The following KLRG1 variants were observed in gnomAD, a reference collection of about 807,000 sequenced individuals.
The protein encoded by KLRG1 is killer cell lectin like receptor G1.
In KLRG1, 16 loss-of-function variants were observed where a neutral mutation model predicts 21.8. That is an observed-to-expected ratio of 0.73 (90% confidence interval 0.50 to 1.11). KLRG1 has a LOEUF of 1.11. Among genes scored for constraint, KLRG1 ranks in the 50% most tolerant of loss-of-function variants. The probability of loss-of-function intolerance (pLI) is 0.00; values close to 1 mark genes in which losing one functional copy is unlikely to be tolerated. For missense variants in KLRG1, 173 were observed against 218.3 expected (o/e 0.79, Z 1.31); for synonymous variants, 69 against 75.9 (o/e 0.91, Z 0.47).
the KLRG1 span, among the ~76,000 whole-genome samples, chr12:9,022,585 C>T: frequency 4.6e-5 from 7 of 151,976 alleles, no homozygotes; most frequent in African/African-American, 1.2e-4. Flanking sequence ...GTTTTAGGAT[C>T]GGGGGTGGTC....
chr12:9,074,951 C>G, the KLRG1 span, among the ~76,000 whole-genome samples: 1 of 152,172 alleles, frequency 6.6e-6, no homozygotes, highest in Non-Finnish European at 1.5e-5. Context: ...TGTGTTTTAG[C>G]CCAGCTAAGG....
the KLRG1 span, among the ~76,000 whole-genome samples, chr12:9,051,229 C>T: frequency 1.3e-5 from 2 of 152,212 alleles, no homozygotes; most frequent in Non-Finnish European, 2.9e-5. Context: ...AAAGGAACCA[C>T]CCTCTCTGCT....
the KLRG1 span, chr12:9,095,621 T>C: frequency 1.9e-6 from 3 of 1,611,786 alleles, no homozygotes; most frequent in East Asian, 6.7e-5. Context: ...ATTATGACGA[T>C]TGATGCAGTC....
chr12:9,028,138 G>A, the KLRG1 span: 8 of 681,682 alleles, frequency 1.2e-5, no homozygotes, highest in African/African-American at 1.2e-4. Context: ...CTTCAGTGTC[G>A]TCGTCTTCTT....
the KLRG1 span, chr12:9,089,958 G>C: frequency 6.2e-7 from 1 of 1,612,412 alleles, no homozygotes; most frequent in Non-Finnish European, 8.5e-7. Flanking sequence ...GGAACTGAAG[G>C]CACCTCAGTC....
At chr12:9,205,910 C>G in the KLRG1 span, among the ~76,000 whole-genome samples, 1 of 152,124 alleles carries the variant, frequency 6.6e-6, no homozygotes, top group Admixed American at 6.5e-5. Flanking sequence ...GTAGTCTGCT[C>G]CAGCACACCA....
the KLRG1 span, among the ~76,000 whole-genome samples, chr12:9,062,748 A>G: frequency 0.021 from 3,167 of 147,902 alleles, 122 homozygotes; most frequent in African/African-American, 0.074. Context: ...ATCATTTATA[A>G]TATATTGTTA....
At chr12:9,067,011 A>T in the KLRG1 span, 1 of 152,352 alleles carries the variant, frequency 6.6e-6, no homozygotes, top group East Asian at 1.9e-4. Flanking sequence ...TATTTTAAAA[A>T]TAGACTAAAG....
chr12:9,152,190 TGAAG>T, the KLRG1 span: 1 of 1,439,976 alleles, frequency 6.9e-7, no homozygotes, highest in East Asian at 2.3e-5. Context: ...TACTTTTGTA[TGAAG>T]TCTATTAGGA....
chr12:8,957,518 TGTTTG>T (rs1946314811), intron 1 of KLRG1, among the ~76,000 whole-genome samples: 1 of 152,080 alleles, frequency 6.6e-6, no homozygotes. Flanking sequence ...TTTGTTTGTT[TGTTTG>T]TTTTGTTTTG....
the KLRG1 span, among the ~76,000 whole-genome samples, chr12:9,092,418 C>T: frequency 1.3e-5 from 2 of 152,096 alleles, no homozygotes; most frequent in African/African-American, 4.8e-5. Flanking sequence ...CCGCCCCCAC[C>T]ACCCCTTGGC....
At chr12:9,105,988 A>T in the KLRG1 span, among the ~76,000 whole-genome samples, 1 of 152,188 alleles carries the variant, frequency 6.6e-6, no homozygotes, top group Non-Finnish European at 1.5e-5. Flanking sequence ...AAGGGGGGAA[A>T]ACTCTACTAA....
At chr12:9,197,924 TAA>T in the KLRG1 span, among the ~76,000 whole-genome samples, 5 of 129,484 alleles carry the variant, frequency 3.9e-5, no homozygotes, top group African/African-American at 5.9e-5. Flanking sequence ...ATATATTATA[TAA>T]GTTATCTATA....
chr12:9,151,918 G>A, the KLRG1 span, among the ~76,000 whole-genome samples: 1 of 152,118 alleles, frequency 6.6e-6, no homozygotes, highest in Non-Finnish European at 1.5e-5. Context: ...ATATCAGTCA[G>A]TTTGGGATTT....
the KLRG1 span, among the ~76,000 whole-genome samples, chr12:9,071,506 TG>T: frequency 5.9e-5 from 9 of 152,288 alleles, no homozygotes; most frequent in East Asian, 1.7e-3. Context: ...ACTCGTGTCA[TG>T]GGGGTTTGGT....
At chr12:9,182,033 T>C in the KLRG1 span, 1 of 1,613,860 alleles carries the variant, frequency 6.2e-7, no homozygotes. Flanking sequence ...AACTTCTCCA[T>C]CTGGTAAAAT....
chr12:9,071,992 TAAG>T, the KLRG1 span, among the ~76,000 whole-genome samples: 2 of 152,350 alleles, frequency 1.3e-5, no homozygotes, highest in South Asian at 4.1e-4. Context: ...GAATTCTAAC[TAAG>T]GAGTCACTAC....
intron 1 of KLRG1, among the ~76,000 whole-genome samples, chr12:8,957,864 G>C (rs1272554979): frequency 6.6e-6 from 1 of 152,152 alleles, no homozygotes; most frequent in African/African-American, 2.4e-5. Context: ...CTTATGAGTA[G>C]TTTATTTCTG....
chr12:9,049,022 A>G, the KLRG1 span, among the ~76,000 whole-genome samples: 1 of 152,254 alleles, frequency 6.6e-6, no homozygotes, highest in African/African-American at 2.4e-5. Flanking sequence ...TTGAGAAGGA[A>G]GAAAGCCAAT....
Sources: allele counts gnomAD v4.1 joint callset (sites outside exome capture counted in the v4.1 genomes callset), GRCh38; gene constraint gnomAD v4.1.1; transcripts MANE v1.5; gene names NCBI Gene and HGNC (gene_info 2026-07-23, HGNC 2026-07-21).